ERH: variants seen among roughly 807,000 people sequenced by gnomAD.
The protein encoded by ERH is ERH mRNA splicing and mitosis factor.
Under a neutral mutation model 16.8 loss-of-function variants are expected in ERH, and 1 was observed. That is an observed-to-expected ratio of 0.06 (90% CI 0.02 to 0.28). ERH has a LOEUF of 0.28. ERH is among the 10% of genes least tolerant of loss of function. The probability of loss-of-function intolerance (pLI) is 1.00; values close to 1 mark genes in which losing one functional copy is unlikely to be tolerated. For synonymous variants in ERH, 43 were observed against 43.6 expected, an observed-to-expected ratio of 0.99 and a Z score of 0.05; for missense variants, 42 against 127.5, an observed-to-expected ratio of 0.33 and a Z score of 3.23.
At chr14:69,389,626 T>G (rs1048307811) in intron 2 of ERH, among the ~76,000 whole-genome samples, 3 of 152,238 alleles carry the variant, frequency 2.0e-5, no homozygotes, top group Non-Finnish European at 4.4e-5. Flanking sequence ...AAATAAATTT[T>G]ATTTCTATGC....
intron 1 of ERH, 23 bp downstream of exon 1, chr14:69,398,208 G>A (rs771165924): frequency 2.5e-6 from 4 of 1,613,990 alleles, no homozygotes; most frequent in Admixed American, 3.3e-5. Context: ...TCGGACTCGG[G>A]TAGCCGCGGA....
chr14:69,394,741 C>T, intron 2 of ERH, 84 bp downstream of exon 2: 1 of 844,468 alleles, frequency 1.2e-6, no homozygotes, highest in Non-Finnish European at 1.9e-6. Context: ...GGTGGATGGA[C>T]TATTAAAAAA....
chr14:69,383,195 CTGACTT>C (rs1195561482), intron 3 of ERH, among the ~76,000 whole-genome samples: 1 of 152,220 alleles, frequency 6.6e-6, no homozygotes, highest in Non-Finnish European at 1.5e-5. Context: ...AAATCTGACT[CTGACTT>C]TAAGTATACG....
At chr14:69,386,781 G>T in intron 3 of ERH, 182 bp downstream of exon 3, 4 of 493,338 alleles carry the variant, frequency 8.1e-6, no homozygotes, top group African/African-American at 5.9e-5. Flanking sequence ...ATTTTTTTCT[G>T]TGCCTTTGGC....
Position 69,382,669 on chromosome 14 carries a change from C to CAA in ERH, c.213-2031_213-2030dup, listed in dbSNP as rs540572928. Among the ~76,000 whole-genome samples the CAA allele has an allele frequency of 8.7e-4, 121 of 139,464 alleles. 1 individual carries two copies. The highest frequency in any genetic ancestry group is 3.0e-3 in the African/African-American group (114 of 38,014). The allele number at this position is 139,464 out of a possible 152,430, so 91.5% of individuals were successfully genotyped here. ...CAACATTGTGAAACCCCGTCTCCAC[C>CAA]AAAAAAAAAAAATACAAAAATTAGC... On this transcript the variant is annotated intron_variant, in intron 3 of 3. Transcript: ENST00000557016.
At chr14:69,380,783 A>C in intron 3 of ERH, 143 bp from the exon 4 acceptor site, 1 of 584,592 alleles carries the variant, frequency 1.7e-6, no homozygotes, top group Non-Finnish European at 3.1e-6. Context: ...AGAGCTACTT[A>C]CACAGTCGTT....
intron 3 of ERH, among the ~76,000 whole-genome samples, chr14:69,383,218 A>G (rs533635237): frequency 2.6e-5 from 4 of 152,390 alleles, no homozygotes; most frequent in South Asian, 2.1e-4. Flanking sequence ...TACGAAATAC[A>G]AATTTTCATG....
At chr14:69,392,735 GCAC>G (rs1882246159) in intron 2 of ERH, among the ~76,000 whole-genome samples, 1 of 152,184 alleles carries the variant, frequency 6.6e-6, no homozygotes, top group African/African-American at 2.4e-5. Flanking sequence ...TGTTACAAAT[GCAC>G]CACACCAGTG....
Position 69,380,328 on chromosome 14 carries a change from T to TAA in ERH, c.*208_*209dup, listed in dbSNP as rs796266225. ...CTAAATCATCATAAAAATGTTTAAGTAAAAAAAAAAAAAGAAAGAGAAAGA... is the reference window on the plus strand; with the variant it reads ...CTAAATCATCATAAAAATGTTTAAGTAAAAAAAAAAAAAAAGAAAGAGAAAGA... On this transcript the variant is annotated 3_prime_UTR_variant, in exon 4 of 4. Coordinates refer to ENST00000557016, the MANE Select transcript of ERH (RefSeq NM_004450.3). 2.0e-4 allele frequency: 71 copies of TAA among 359,668 alleles called. No individual in the cohort carries two copies. The highest frequency in any genetic ancestry group is 4.6e-4 in the South Asian group (5 of 10,932). The allele number at this position is 359,668 out of a possible 1,614,324, so 22.3% of individuals were successfully genotyped here. A position where few individuals can be genotyped will look rare whatever the true frequency, so the allele number is the denominator to read the frequency against.
chr14:69,392,086 A>G (rs939079408), intron 2 of ERH, among the ~76,000 whole-genome samples: 5 of 151,378 alleles, frequency 3.3e-5, no homozygotes, highest in African/African-American at 9.8e-5. Context: ...TACTTTCCAA[A>G]CAATTTTCCC....
chr14:69,383,958 G>A (rs2045877825), intron 3 of ERH, among the ~76,000 whole-genome samples: 1 of 151,918 alleles, frequency 6.6e-6, no homozygotes, highest in African/African-American at 2.4e-5. Flanking sequence ...GACCAGCCTG[G>A]GTAATATAGC....
intron 3 of ERH, among the ~76,000 whole-genome samples, chr14:69,386,286 C>A (rs2045892520): frequency 6.6e-6 from 1 of 152,204 alleles, no homozygotes; most frequent in Admixed American, 6.5e-5. Flanking sequence ...CATCACTGCT[C>A]TTTCAACTTC....
At position 69,394,809 on chromosome 14, in the gene ERH, T is replaced by G. The variant is rs1276232408; in HGVS notation, c.91+16A>C. 1 of 1,580,744 alleles carries G rather than the reference T, an allele frequency of 6.3e-7. No individual in the cohort carries two copies. Among genetic ancestry groups the G allele is most frequent in the Non-Finnish European group, 8.6e-7 (1 of 1,158,398 alleles). ...AATGAGACATTTTTCTACCCCTTGA[T>G]TAGTGTTAAACTCACCTTCCATGCA... is the stretch of plus-strand genomic sequence containing the variant. On this transcript the variant is annotated intron_variant, in intron 2 of 3. Transcript: ENST00000557016.
At chr14:69,386,797 G>A (rs760720360) in intron 3 of ERH, 166 bp downstream of exon 3, 1 of 556,636 alleles carries the variant, frequency 1.8e-6, no homozygotes, top group Non-Finnish European at 2.9e-6. Context: ...TTGGCTTTAT[G>A]TTGCCAATCT....
At chr14:69,394,715 T>C (rs1882295732) in intron 2 of ERH, 110 bp downstream of exon 2, 1 of 623,890 alleles carries the variant, frequency 1.6e-6, no homozygotes, top group Admixed American at 3.2e-5. Context: ...TTGGAAGTGA[T>C]AAAGGCAGGG....
intron 2 of ERH, among the ~76,000 whole-genome samples, chr14:69,390,763 C>T (rs542893338): frequency 6.6e-6 from 1 of 152,164 alleles, no homozygotes; most frequent in Non-Finnish European, 1.5e-5. Context: ...CTTTATAAAA[C>T]ATCTATCTGA....
chr14:69,392,867 T>C (rs905843755), intron 2 of ERH, among the ~76,000 whole-genome samples: 11 of 152,178 alleles, frequency 7.2e-5, no homozygotes, highest in African/African-American at 2.4e-4. Flanking sequence ...AATAAGAGTA[T>C]TGCAGAATCA....
At chr14:69,395,010 G>A in intron 1 of ERH, 98 bp from the exon 2 acceptor site, 1 of 837,432 alleles carries the variant, frequency 1.2e-6, no homozygotes, top group Non-Finnish European at 1.9e-6. Context: ...ATGATTGCTA[G>A]TTATTAAAAT....
At chr14:69,392,319 A>G (rs1882236967) in intron 2 of ERH, among the ~76,000 whole-genome samples, 1 of 152,186 alleles carries the variant, frequency 6.6e-6, no homozygotes, top group Non-Finnish European at 1.5e-5. Flanking sequence ...ATGGGAAATA[A>G]ATCACCACTT....
Sources: gnomAD v4.1 joint callset for allele counts (sites outside exome capture counted in the v4.1 genomes callset) on GRCh38, gnomAD v4.1.1 for gene constraint, MANE v1.5 for transcripts, NCBI Gene and HGNC (gene_info 2026-07-23, HGNC 2026-07-21) for gene names.